Variants in ATG13 observed in about 807,000 individuals in gnomAD.
The protein encoded by ATG13 is autophagy related 13, also known as autophagy-related protein 13.
In ATG13, 23 loss-of-function variants were observed where a neutral mutation model predicts 65.5. The ratio of observed to expected loss-of-function variants is 0.35; its 90% CI spans 0.25 to 0.50. The LOEUF (loss-of-function observed/expected upper bound fraction) is 0.50, where lower values mean the gene tolerates loss of function less well. ATG13 is among the 20% of genes least tolerant of loss of function. The pLI is 0.98. For missense variants in ATG13, 566 were observed against 677.0 expected (o/e 0.84, Z 1.82); for synonymous variants, 252 against 245.2 (o/e 1.03, Z -0.26).
At chr11:46,642,157 C>A (rs985560348) in intron 2 of ATG13, among the ~76,000 whole-genome samples, 1 of 152,060 alleles carries the variant, frequency 6.6e-6, no homozygotes, top group Non-Finnish European at 1.5e-5. Flanking sequence ...TCCTTAAAAT[C>A]TTTTCCCAGT....
chr11:46,634,317 C>T (rs918507186), intron 2 of ATG13, among the ~76,000 whole-genome samples: 3 of 151,856 alleles, frequency 2.0e-5, no homozygotes, highest in Non-Finnish European at 4.4e-5. Flanking sequence ...CCAGGATGGT[C>T]GCGATCTCCT....
chr11:46,622,859 T>C (rs1238222310), intron 1 of ATG13, among the ~76,000 whole-genome samples: 1 of 152,210 alleles, frequency 6.6e-6, no homozygotes. Flanking sequence ...ATTTTGTTTA[T>C]ATACACTGTA....
intron 2 of ATG13, among the ~76,000 whole-genome samples, chr11:46,641,624 A>G (rs180890836): frequency 6.6e-5 from 10 of 152,324 alleles, no homozygotes; most frequent in Non-Finnish European, 1.5e-5. Flanking sequence ...AGAGGGGTGT[A>G]ATGGAACCTT....
At chr11:46,663,120 G>A (rs1358240791) in intron 11 of ATG13, among the ~76,000 whole-genome samples, 1 of 151,928 alleles carries the variant, frequency 6.6e-6, no homozygotes, top group Non-Finnish European at 1.5e-5. Context: ...AAAAAAATTA[G>A]CCAGGCTTGG....
intron 5 of ATG13, among the ~76,000 whole-genome samples, chr11:46,647,217 T>C (rs2057791641): frequency 6.6e-6 from 1 of 152,222 alleles, no homozygotes; most frequent in South Asian, 2.1e-4. Flanking sequence ...TGTTTATATT[T>C]GTTTCTAGAG....
chr11:46,628,008 A>G (rs2135821448), intron 1 of ATG13, among the ~76,000 whole-genome samples: 1 of 150,940 alleles, frequency 6.6e-6, no homozygotes, highest in Non-Finnish European at 1.5e-5. Context: ...ACCTGAGTCC[A>G]GCAGGTTGAG....
intron 5 of ATG13, among the ~76,000 whole-genome samples, chr11:46,646,566 C>A (rs1384416188): frequency 6.6e-6 from 1 of 152,054 alleles, no homozygotes; most frequent in African/African-American, 2.4e-5. Context: ...TGGATTCAAG[C>A]GATTCTGCTG....
chr11:46,619,135 G>T (rs1276805897), intron 1 of ATG13, among the ~76,000 whole-genome samples: 3 of 152,086 alleles, frequency 2.0e-5, no homozygotes, highest in Non-Finnish European at 4.4e-5. Flanking sequence ...GCATAGAGTT[G>T]CTGGTCATTG....
At chr11:46,643,080 T>C (rs2056556946) in intron 2 of ATG13, among the ~76,000 whole-genome samples, 1 of 152,194 alleles carries the variant, frequency 6.6e-6, no homozygotes, top group South Asian at 2.1e-4. Context: ...TGCCTAGTTC[T>C]GGTTGGTCAG....
At chr11:46,620,026 CAAAAAAAA>C in intron 1 of ATG13, among the ~76,000 whole-genome samples, 1 of 101,024 alleles carries the variant, frequency 9.9e-6, no homozygotes, top group East Asian at 3.2e-4. Flanking sequence ...CCCTCTGTCT[CAAAAAAAA>C]AAAAAAAAAA....
At chr11:46,661,639 C>T (rs1319720896) in intron 11 of ATG13, among the ~76,000 whole-genome samples, 2 of 151,700 alleles carry the variant, frequency 1.3e-5, no homozygotes, top group East Asian at 3.9e-4. Flanking sequence ...CAAGACCAGC[C>T]TGGGCAACAT....
chr11:46,643,035 G>T (rs2056544691), intron 2 of ATG13, among the ~76,000 whole-genome samples: 1 of 152,208 alleles, frequency 6.6e-6, no homozygotes, highest in African/African-American at 2.4e-5. Flanking sequence ...TAGGTTCAGA[G>T]TCAGGTCTGT....
At chr11:46,621,872 C>T (rs2047618598) in intron 1 of ATG13, among the ~76,000 whole-genome samples, 1 of 151,742 alleles carries the variant, frequency 6.6e-6, no homozygotes, top group Non-Finnish European at 1.5e-5. Context: ...TCCCTGGCAT[C>T]AGATTTTCCT....
At chr11:46,647,504 C>T (rs1190579611) in intron 5 of ATG13, among the ~76,000 whole-genome samples, 1 of 151,958 alleles carries the variant, frequency 6.6e-6, no homozygotes, top group African/African-American at 2.4e-5. Context: ...TCTCGAACTC[C>T]TGACTTCAGG....
chr11:46,656,922 C>CAT, intron 8 of ATG13, 173 bp from the exon 9 acceptor site: 1 of 615,228 alleles, frequency 1.6e-6, no homozygotes, highest in Non-Finnish European at 2.9e-6. Flanking sequence ...CACACATACA[C>CAT]GCACATACAC....
intron 14 of ATG13, among the ~76,000 whole-genome samples, chr11:46,666,204 C>T (rs1399733136): frequency 1.3e-5 from 2 of 152,162 alleles, no homozygotes; most frequent in African/African-American, 2.4e-5. Flanking sequence ...AGGAAGCTGG[C>T]GTGGAACTTC....
chr11:46,642,392 G>C (rs936398063), intron 2 of ATG13, among the ~76,000 whole-genome samples: 1 of 136,464 alleles, frequency 7.3e-6, no homozygotes, highest in East Asian at 2.3e-4. Context: ...TGCAACCTCT[G>C]CCTTCTGGGT....
chr11:46,650,277 C>T lies in ATG13; in HGVS notation c.418C>T (p.Leu140Phe). Residue 140 changes from leucine to phenylalanine, a missense_variant, in exon 7 of 19, where the codon CTC (leucine) becomes TTC (phenylalanine). Physicochemically the swap from Leu to Phe is conservative, Grantham distance 22. Coordinates refer to ENST00000683050, the MANE Select transcript of ATG13 (RefSeq NM_001346311.2). ...AACTAGGGTGACACCAGCCTATAGG[C>T]TCTCCAGGAAACAAGGGCATGAATA... ...AITRVTPAYR[L>F]SRKQGHEYVI... 6.2e-7 allele frequency: 1 copy of T among 1,614,062 alleles called. No homozygotes were observed. The highest frequency in any genetic ancestry group is 8.5e-7 in the Non-Finnish European group (1 of 1,179,998).
At chr11:46,633,343 A>G (rs2135981822) in intron 2 of ATG13, among the ~76,000 whole-genome samples, 1 of 150,592 alleles carries the variant, frequency 6.6e-6, no homozygotes, top group South Asian at 2.1e-4. Flanking sequence ...ATTTTATTTT[A>G]TTTTTTAATT....
Sources: allele counts gnomAD v4.1 joint callset (sites outside exome capture counted in the v4.1 genomes callset), GRCh38; gene constraint gnomAD v4.1.1; transcripts MANE v1.5; gene names NCBI Gene and HGNC (gene_info 2026-07-23, HGNC 2026-07-21).